RTN1: variants seen among roughly 807,000 people sequenced by gnomAD.
RTN1 encodes reticulon 1.
Under a neutral mutation model 65.5 loss-of-function variants are expected in RTN1, and 25 were observed. That is an observed-to-expected ratio of 0.38 (90% CI 0.28 to 0.53). The LOEUF is 0.53. Among genes scored for constraint, RTN1 ranks in the 20% least tolerant of loss-of-function variants. The pLI is 0.79. For synonymous variants in RTN1, 471 were observed against 447.6 expected, an observed-to-expected ratio of 1.05 and a Z score of -0.66; for missense variants, 983 against 1,025.4, an observed-to-expected ratio of 0.96 and a Z score of 0.57.
chr14:59,727,826 G>C lies in RTN1; in HGVS notation c.1016-158C>G, dbSNP rs1884813656. 1 of 1,102,764 alleles carries C rather than the reference G, an allele frequency of 9.1e-7. No homozygotes were observed. Among genetic ancestry groups the C allele is most frequent in the African/African-American group, 1.6e-5 (1 of 62,290 alleles). The allele number at this position is 1,102,764 out of a possible 1,614,324, so 68.3% of individuals were successfully genotyped here. A position where few individuals can be genotyped will look rare whatever the true frequency, so the allele number is the denominator to read the frequency against. On this transcript the variant is annotated intron_variant, in intron 2 of 8. Coordinates refer to ENST00000267484, the MANE Select transcript of RTN1 (RefSeq NM_021136.3). This position sits in a 1 kb window ranked among gnomAD's most constrained non-coding sequence, Gnocchi z 4.2. The stretch of plus-strand genomic sequence containing the variant: ...TTAGCACAAAAATAATCTGTTTCCA[G>C]GGCTATGCTGGAAAGACAGGCCACC...
At chr14:59,804,065 A>G (rs1160823639) in intron 1 of RTN1, among the ~76,000 whole-genome samples, 1 of 152,162 alleles carries the variant, frequency 6.6e-6, no homozygotes, top group Non-Finnish European at 1.5e-5. Context: ...TACTTTATTC[A>G]TATCTCCTTA....
chr14:59,869,592 GC>G lies in RTN1; in HGVS notation c.241+797del, dbSNP rs372510180. 3.7e-4 allele frequency among the ~76,000 whole-genome samples: 30 copies of G among 82,090 alleles called. No individual in the cohort carries two copies. In the East Asian group the frequency reaches 4.0e-3, roughly 11 times the overall value. The allele number at this position is 82,090 out of a possible 152,430, so 53.9% of individuals were successfully genotyped here. A position where few individuals can be genotyped will look rare whatever the true frequency, so the allele number is the denominator to read the frequency against. On this transcript the variant is annotated intron_variant, in intron 1 of 8. Coordinates refer to ENST00000267484, the MANE Select transcript of RTN1 (RefSeq NM_021136.3). The stretch of plus-strand genomic sequence containing the variant: ...CAATTTCCGGGGTGGGGGGGGGGGG[GC>G]GCTTAGACTGCTGGTAAACTGTACC...
At chr14:59,641,321 T>C (rs920544259) in intron 3 of RTN1, among the ~76,000 whole-genome samples, 2 of 152,126 alleles carry the variant, frequency 1.3e-5, no homozygotes, top group Admixed American at 1.3e-4. Context: ...TTATAAATCA[T>C]TTCTTCTAAT....
At chr14:59,681,600 T>G (rs1283618526) in intron 3 of RTN1, among the ~76,000 whole-genome samples, 6 of 152,162 alleles carry the variant, frequency 3.9e-5, no homozygotes, top group African/African-American at 1.4e-4. Flanking sequence ...CCACCAGACA[T>G]GGGTACCACC....
chr14:59,661,109 C>G (rs1396897672), intron 3 of RTN1, among the ~76,000 whole-genome samples: 1 of 151,902 alleles, frequency 6.6e-6, no homozygotes, highest in Admixed American at 6.6e-5. Context: ...ACTATAAACA[C>G]CTCTACACAA....
intron 2 of RTN1, among the ~76,000 whole-genome samples, chr14:59,731,305 T>C (rs1158154351): frequency 6.6e-6 from 1 of 152,076 alleles, no homozygotes; most frequent in Non-Finnish European, 1.5e-5. Context: ...AGTAAATTTA[T>C]AGAGAAAGAA....
intron 3 of RTN1, among the ~76,000 whole-genome samples, chr14:59,693,562 T>C (rs759381034): frequency 6.6e-6 from 1 of 152,184 alleles, no homozygotes; most frequent in Admixed American, 6.5e-5. Flanking sequence ...CTTATGCCTT[T>C]GCATCCTCAT....
At chr14:59,650,955 G>A (rs190634464) in intron 3 of RTN1, among the ~76,000 whole-genome samples, 17 of 152,130 alleles carry the variant, frequency 1.1e-4, no homozygotes, top group Middle Eastern at 3.4e-3. Context: ...TGGATCACCC[G>A]AGGTCATGAG....
At chr14:59,802,399 T>C (rs1886563337) in intron 1 of RTN1, among the ~76,000 whole-genome samples, 1 of 152,126 alleles carries the variant, frequency 6.6e-6, no homozygotes, top group Non-Finnish European at 1.5e-5. Context: ...AACAGACTGA[T>C]ATGACTTTCT....
chr14:59,608,146 C>A (rs1432573795), intron 3 of RTN1, among the ~76,000 whole-genome samples: 2 of 152,094 alleles, frequency 1.3e-5, no homozygotes, highest in Non-Finnish European at 2.9e-5. Flanking sequence ...ATATTCCAGT[C>A]CCGGGATATA....
chr14:59,657,161 C>T (rs1883137925), intron 3 of RTN1, among the ~76,000 whole-genome samples: 1 of 152,194 alleles, frequency 6.6e-6, no homozygotes, highest in South Asian at 2.1e-4. Flanking sequence ...GTAATCCCAG[C>T]ACTTTGGGAG....
chr14:59,685,960 C>T (rs959783697), intron 3 of RTN1, among the ~76,000 whole-genome samples: 4 of 152,170 alleles, frequency 2.6e-5, no homozygotes, highest in East Asian at 3.8e-4. Context: ...ATGGTACTGG[C>T]ATAAAAACAG....
chr14:59,761,406 A>G (rs985077853), intron 1 of RTN1, among the ~76,000 whole-genome samples: 1 of 152,188 alleles, frequency 6.6e-6, no homozygotes, highest in Non-Finnish European at 1.5e-5. Flanking sequence ...CATTTTGCTC[A>G]GTCCTTCTCT....
At chr14:59,678,470 C>T (rs1883675431) in intron 3 of RTN1, among the ~76,000 whole-genome samples, 1 of 152,212 alleles carries the variant, frequency 6.6e-6, no homozygotes, top group Non-Finnish European at 1.5e-5. Flanking sequence ...ACAGACAACT[C>T]TTACTGACTC....
intron 1 of RTN1, among the ~76,000 whole-genome samples, chr14:59,748,630 C>A (rs528129345): frequency 6.2e-4 from 95 of 152,122 alleles, no homozygotes; most frequent in African/African-American, 2.2e-3. Flanking sequence ...ATGTTTTATG[C>A]ATCGATTGTC....
At chr14:59,697,642 C>A (rs1012737223) in intron 3 of RTN1, among the ~76,000 whole-genome samples, 1 of 152,048 alleles carries the variant, frequency 6.6e-6, no homozygotes, top group Admixed American at 6.5e-5. Context: ...AAATGCAAGG[C>A]CTAGTACTTC....
At chr14:59,694,387 G>C (rs942373445) in intron 3 of RTN1, among the ~76,000 whole-genome samples, 10 of 152,272 alleles carry the variant, frequency 6.6e-5, no homozygotes, top group Non-Finnish European at 1.5e-4. Context: ...AACACTCTAA[G>C]AATGGAGGGA....
At chr14:59,758,413 T>C (rs1250597512) in intron 1 of RTN1, among the ~76,000 whole-genome samples, 1 of 152,198 alleles carries the variant, frequency 6.6e-6, no homozygotes, top group Non-Finnish European at 1.5e-5. Flanking sequence ...CCAGCCTGCC[T>C]TTAGGGTTTT....
intron 3 of RTN1, among the ~76,000 whole-genome samples, chr14:59,720,730 A>C (rs1884630176): frequency 6.6e-6 from 1 of 152,120 alleles, no homozygotes. Context: ...TCAAAAAAAA[A>C]AAAAAAAATA....
Sources: gnomAD v4.1 joint callset for allele counts (sites outside exome capture counted in the v4.1 genomes callset) on GRCh38, gnomAD v4.1.1 for gene constraint, Gnocchi (gnomAD v3.1) non-coding constraint, MANE v1.5 for transcripts, NCBI Gene and HGNC (gene_info 2026-07-23, HGNC 2026-07-21) for gene names.